Variants in EIF4G3 observed in about 807,000 individuals in gnomAD.
EIF4G3 encodes eIF-4-gamma 3.
Under a neutral mutation model 186.4 loss-of-function variants are expected in EIF4G3, and 34 were observed. That is an observed-to-expected ratio of 0.18 (90% confidence interval 0.14 to 0.24). The LOEUF (loss-of-function observed/expected upper bound fraction) is 0.24, where lower values mean the gene tolerates loss of function less well. Ranked by LOEUF, EIF4G3 falls within the 10% of genes least tolerant of loss-of-function variation. The probability of loss-of-function intolerance (pLI) is 1.00; values close to 1 mark genes in which losing one functional copy is unlikely to be tolerated. For synonymous variants in EIF4G3, 673 were observed against 679.5 expected (o/e 0.99, Z 0.15); for missense variants, 1,536 against 1,948.5 (o/e 0.79, Z 3.99).
chr1:20,967,873 C>T (rs1306193557), intron 12 of EIF4G3, among the ~76,000 whole-genome samples: 1 of 152,158 alleles, frequency 6.6e-6, no homozygotes, highest in Non-Finnish European at 1.5e-5. Context: ...ACCCCTTTAC[C>T]ATCCAGGCAT....
chr1:20,883,551 A>G (rs1361701200), intron 19 of EIF4G3, among the ~76,000 whole-genome samples: 1 of 152,082 alleles, frequency 6.6e-6, no homozygotes, highest in Non-Finnish European at 1.5e-5. Flanking sequence ...TGGGAGGCGG[A>G]GGCTGCAGTG....
chr1:21,020,882 G>C, intron 4 of EIF4G3, among the ~76,000 whole-genome samples: 1 of 152,144 alleles, frequency 6.6e-6, no homozygotes, highest in East Asian at 1.9e-4. Flanking sequence ...TTTATATATA[G>C]CATCAACCAC....
At chr1:21,119,814 T>C (rs1001213957) in intron 2 of EIF4G3, among the ~76,000 whole-genome samples, 17 of 152,164 alleles carry the variant, frequency 1.1e-4, no homozygotes, top group African/African-American at 4.1e-4. Flanking sequence ...CCAATCTTTT[T>C]CTTCCAAAAG....
Position 20,982,374 on chromosome 1 carries a change from C to G in EIF4G3, c.198+14G>C, listed in dbSNP as rs1436522701. 11 of 1,519,884 alleles carry G rather than the reference C, an allele frequency of 7.2e-6. No homozygotes were observed. In the South Asian group the frequency reaches 1.2e-4, roughly 17 times the overall value. The allele number at this position is 1,519,884 out of a possible 1,614,324, so 94.1% of individuals were successfully genotyped here. A position where few individuals can be genotyped will look rare whatever the true frequency, so the allele number is the denominator to read the frequency against. On this transcript the variant is annotated intron_variant, in intron 8 of 36. Coordinates refer to ENST00000602326, the MANE Select transcript of EIF4G3 (RefSeq NM_001391906.1). The stretch of plus-strand genomic sequence containing the variant: ...GAGTTATAAAGAGGCCATGCAGAAC[C>G]AGTAGTTTGTTACCTGGATAGGTCT...
intron 7 of EIF4G3, 77 bp downstream of exon 7, chr1:20,997,524 G>T: frequency 7.4e-7 from 1 of 1,343,254 alleles, no homozygotes; most frequent in Non-Finnish European, 1.0e-6. Context: ...TGGGATGGCA[G>T]CATTCTAAGA....
intron 2 of EIF4G3, among the ~76,000 whole-genome samples, chr1:21,156,732 T>C (rs2097667845): frequency 6.6e-6 from 1 of 152,150 alleles, no homozygotes; most frequent in African/African-American, 2.4e-5. Flanking sequence ...ACCCTTTCCT[T>C]TTCATTTCCC....
rs141374316 is a variant in EIF4G3, at chr1:20,844,880, T to C, written c.3889-3852A>G. Among the ~76,000 whole-genome samples, 1,062 of 152,216 alleles carry C rather than the reference T, an allele frequency of 7.0e-3. 14 individuals are homozygous for C. Among genetic ancestry groups the C allele is most frequent in the African/African-American group, 0.024 (979 of 41,536 alleles). ...AACAACAAAAAAAACCTTTGTCGGA[T>C]GTGTATATTGCAAACATTTCCTCCT... On this transcript the variant is annotated intron_variant, in intron 29 of 36. Transcript: ENST00000602326.
rs896339290 is a variant in EIF4G3, at chr1:21,106,068, T to C, written c.-271-16855A>G. Reference sequence around the variant, plus strand: ...AGTGACAGAGCAAGACCCTGTCTCTTTTTTTTTTTTTTTTTGTTAAAGGAT... The same window carrying C: ...AGTGACAGAGCAAGACCCTGTCTCTCTTTTTTTTTTTTTTTGTTAAAGGAT... On this transcript the variant is annotated intron_variant, in intron 2 of 36. Transcript: ENST00000602326. 1.2e-4 allele frequency among the ~76,000 whole-genome samples: 18 copies of C among 145,962 alleles called. No homozygotes were observed. In the East Asian group the frequency reaches 1.6e-3, roughly 13 times the overall value.
At chr1:21,014,927 G>A (rs2088451116) in intron 4 of EIF4G3, among the ~76,000 whole-genome samples, 1 of 152,056 alleles carries the variant, frequency 6.6e-6, no homozygotes, top group African/African-American at 2.4e-5. Context: ...GAGCCACCAT[G>A]CCCAGCCTCT....
chr1:20,920,148 T>C (rs530349260), intron 14 of EIF4G3, among the ~76,000 whole-genome samples: 1 of 152,240 alleles, frequency 6.6e-6, no homozygotes, highest in East Asian at 1.9e-4. Flanking sequence ...TCAGGTGATC[T>C]GCCCGCCTCG....
At chr1:20,987,417 C>G (rs967041983) in intron 7 of EIF4G3, among the ~76,000 whole-genome samples, 1 of 152,230 alleles carries the variant, frequency 6.6e-6, no homozygotes, top group African/African-American at 2.4e-5. Flanking sequence ...ATATTGCATT[C>G]TTTACAAATT....
intron 18 of EIF4G3, among the ~76,000 whole-genome samples, chr1:20,891,510 C>G (rs568645494): frequency 6.6e-6 from 1 of 151,796 alleles, no homozygotes; most frequent in South Asian, 2.1e-4. Flanking sequence ...CAGTGGCTCA[C>G]GCCTGTCATC....
intron 17 of EIF4G3, 40 bp downstream of exon 17, chr1:20,895,328 C>T (rs1240237781): frequency 6.3e-7 from 1 of 1,591,766 alleles, no homozygotes; most frequent in African/African-American, 1.3e-5. Context: ...AAATCAGTTC[C>T]CACCAAAAAG....
intron 8 of EIF4G3, 23 bp from the exon 9 acceptor site, chr1:20,981,250 ATTTT>A (rs35524519): frequency 9.8e-6 from 12 of 1,226,446 alleles, no homozygotes; most frequent in South Asian, 6.8e-5. Flanking sequence ...GAAAAAAAAA[ATTTT>A]TTTTTTTTTT....
At chr1:20,956,030 G>A (rs1430551726) in intron 12 of EIF4G3, among the ~76,000 whole-genome samples, 1 of 151,992 alleles carries the variant, frequency 6.6e-6, no homozygotes, top group Non-Finnish European at 1.5e-5. Context: ...TAATACAAAG[G>A]CAATAAAAAA....
At chr1:20,841,883 G>A (rs1218782238) in intron 29 of EIF4G3, among the ~76,000 whole-genome samples, 1 of 151,878 alleles carries the variant, frequency 6.6e-6, no homozygotes, top group East Asian at 1.9e-4. Flanking sequence ...GGTAGGAAGG[G>A]GGAGGATGTA....
At chr1:20,939,103 T>C (rs1208429629) in intron 14 of EIF4G3, among the ~76,000 whole-genome samples, 1 of 110,244 alleles carries the variant, frequency 9.1e-6, no homozygotes, top group Non-Finnish European at 1.8e-5. Context: ...CGAGACTCCA[T>C]CTTAAAAAAA....
chr1:21,172,118 C>CAA (rs35477282), intron 2 of EIF4G3, among the ~76,000 whole-genome samples: 6 of 105,512 alleles, frequency 5.7e-5, no homozygotes, highest in South Asian at 6.2e-4. Flanking sequence ...CCTCCTCTAG[C>CAA]AAAAAAAAAA....
chr1:20,876,963 G>C (rs2081067314), intron 20 of EIF4G3, among the ~76,000 whole-genome samples: 2 of 152,174 alleles, frequency 1.3e-5, no homozygotes, highest in South Asian at 2.1e-4. Context: ...CTGGGCAACA[G>C]AGCAAAAGAC....
Sources: gnomAD v4.1 joint callset for allele counts (sites outside exome capture counted in the v4.1 genomes callset) on GRCh38, gnomAD v4.1.1 for gene constraint, MANE v1.5 for transcripts, NCBI Gene and HGNC (gene_info 2026-07-23, HGNC 2026-07-21) for gene names.